Variants in DYNC2H1 observed in about 807,000 individuals in gnomAD.
DYNC2H1 encodes dynein cytoplasmic 2 heavy chain 1.
A neutral mutation model predicts 570.0 loss-of-function variants in DYNC2H1; 410 were observed. The ratio of observed to expected loss-of-function variants is 0.72; its 90% CI spans 0.66 to 0.78. The LOEUF (loss-of-function observed/expected upper bound fraction) is 0.78. DYNC2H1 is among the 30% of genes least tolerant of loss of function. The probability of loss-of-function intolerance (pLI) is 0.00; values close to 1 mark genes in which losing one functional copy is unlikely to be tolerated. For missense variants in DYNC2H1, 4,865 were observed against 5,046.4 expected, an observed-to-expected ratio of 0.96 and a Z score of 1.09; for synonymous variants, 1,688 against 1,677.6, an observed-to-expected ratio of 1.01 and a Z score of -0.15.
rs1945174516 is a variant in DYNC2H1, at chr11:103,465,663, A to G, written c.12649-2926A>G. On this transcript the variant is annotated intron_variant, in intron 87 of 88. Coordinates refer to ENST00000375735, the MANE Select transcript of DYNC2H1 (RefSeq NM_001377.3). This position sits in a 1 kb window ranked among gnomAD's most constrained non-coding sequence, Gnocchi z 4.9. ...GAAGGTCCATGCTGGCCTCATTCATATATATGGCAACTGGTGCTAGCTCAG... is the reference window on the plus strand; with the variant it reads ...GAAGGTCCATGCTGGCCTCATTCATGTATATGGCAACTGGTGCTAGCTCAG... 6.6e-6 allele frequency among the ~76,000 whole-genome samples: 1 copy of G among 152,118 alleles called. No individual in the cohort carries two copies. The highest frequency in any genetic ancestry group is 2.4e-5 in the African/African-American group (1 of 41,412).
At chr11:103,349,813 T>C (rs542852819) in intron 82 of DYNC2H1, among the ~76,000 whole-genome samples, 48 of 152,324 alleles carry the variant, frequency 3.2e-4, no homozygotes, top group Admixed American at 1.8e-3. Flanking sequence ...GGGGTGCCTG[T>C]ACATTTCACT....
Position 103,138,362 on chromosome 11 carries a change from G to A in DYNC2H1, c.2574+2414G>A, listed in dbSNP as rs548952074. Among the ~76,000 whole-genome samples the A allele has an allele frequency of 2.4e-4, 37 of 152,138 alleles. 1 individual carries two copies. The highest frequency in any genetic ancestry group is 1.2e-3 in the East Asian group (6 of 5,174). On this transcript the variant is annotated intron_variant, in intron 17 of 88. Coordinates refer to ENST00000375735, the MANE Select transcript of DYNC2H1 (RefSeq NM_001377.3). ...CCATTCAGTATGATATTGGCTGTGG[G>A]TTTGTCATAGATAGCTCTTATTATT...
chr11:103,343,798 C>T (rs1346696616), intron 82 of DYNC2H1, among the ~76,000 whole-genome samples: 2 of 152,142 alleles, frequency 1.3e-5, no homozygotes, highest in Non-Finnish European at 2.9e-5. Flanking sequence ...TTGGTAACTG[C>T]CAGTTTTGTG....
chr11:103,149,472 C>T (rs965721735), intron 20 of DYNC2H1, among the ~76,000 whole-genome samples: 2 of 152,036 alleles, frequency 1.3e-5, no homozygotes, highest in African/African-American at 4.8e-5. Flanking sequence ...TGTGCCCCCA[C>T]TTAAAATTAT....
chr11:103,265,995 T>C (rs1865488321), intron 70 of DYNC2H1, among the ~76,000 whole-genome samples: 1 of 136,106 alleles, frequency 7.3e-6, no homozygotes, highest in Non-Finnish European at 1.5e-5. Context: ...GGACTCATAT[T>C]GGGCCCCAAC....
At chr11:103,263,015 T>A (rs1468342731) in intron 70 of DYNC2H1, among the ~76,000 whole-genome samples, 12 of 37,934 alleles carry the variant, frequency 3.2e-4, no homozygotes, top group Admixed American at 1.5e-3. Flanking sequence ...ACCAAGCAAA[T>A]GGAAAGCAAA....
chr11:103,452,966 T>A (rs2135799444), intron 85 of DYNC2H1, among the ~76,000 whole-genome samples: 1 of 152,208 alleles, frequency 6.6e-6, no homozygotes, highest in South Asian at 2.1e-4. Context: ...TCTTTATCAT[T>A]CATTCCAGTT....
chr11:103,235,592 C>A, intron 61 of DYNC2H1, 80 bp from the exon 62 acceptor site: 1 of 1,354,234 alleles, frequency 7.4e-7, no homozygotes, highest in South Asian at 2.1e-5. Flanking sequence ...CCCTCACAGT[C>A]AAAACCATAA....
intron 83 of DYNC2H1, among the ~76,000 whole-genome samples, chr11:103,373,558 T>C (rs939848217): frequency 6.6e-6 from 1 of 152,220 alleles, no homozygotes; most frequent in African/African-American, 2.4e-5. Context: ...CCATACAAGT[T>C]ACTTGATATG....
At chr11:103,221,555 C>T (rs868335903) in intron 57 of DYNC2H1, among the ~76,000 whole-genome samples, 2 of 152,124 alleles carry the variant, frequency 1.3e-5, no homozygotes, top group South Asian at 2.1e-4. Context: ...TCCTACATCT[C>T]TCTAGAGTTT....
intron 70 of DYNC2H1, among the ~76,000 whole-genome samples, chr11:103,266,637 C>G (rs562042439): frequency 9.9e-5 from 15 of 152,270 alleles, no homozygotes; most frequent in Middle Eastern, 6.8e-3. Context: ...TGCATACATG[C>G]ACCGCAAAGA....
rs1015077902 is a variant in DYNC2H1 at position 103,155,242 on chromosome 11, A to C, written c.3574-89A>C. 4 of 1,289,842 alleles carry C rather than the reference A, an allele frequency of 3.1e-6. No homozygotes were observed. In the African/African-American group the frequency reaches 4.7e-5, roughly 15 times the overall value. The allele number at this position is 1,289,842 out of a possible 1,614,324, so 79.9% of individuals were successfully genotyped here. On this transcript the variant is annotated intron_variant, in intron 24 of 88. Coordinates refer to ENST00000375735, the MANE Select transcript of DYNC2H1 (RefSeq NM_001377.3). The stretch of plus-strand genomic sequence containing the variant: ...GGAATAATTAAAATTTTGGTAACTA[A>C]TAAGCATAAAAGTAAATACTAATTT...
rs1555095750 is a variant in DYNC2H1, at chr11:103,304,577, G to T, written c.11257-18G>T. 7 of 1,603,662 alleles carry T rather than the reference G, an allele frequency of 4.4e-6. No homozygotes were observed. Among genetic ancestry groups the T allele is most frequent in the South Asian group, 2.2e-5 (2 of 89,588 alleles). ...GCAGATCTGTTTTTAAATTTTGTTT[G>T]TTTTTTTGCTTTTGTAGGTTGCCAT... On this transcript the variant is annotated intron_variant, in intron 76 of 88. Coordinates refer to ENST00000375735, the MANE Select transcript of DYNC2H1 (RefSeq NM_001377.3).
intron 10 of DYNC2H1, among the ~76,000 whole-genome samples, 188 bp from the exon 11 acceptor site, chr11:103,122,637 G>A (rs904138916): frequency 3.9e-5 from 6 of 152,060 alleles, no homozygotes; most frequent in Non-Finnish European, 1.5e-5. Flanking sequence ...GCTCTTCTGC[G>A]GCTGTATAAT....
At chr11:103,358,982 T>A (rs1940500932) in intron 83 of DYNC2H1, among the ~76,000 whole-genome samples, 1 of 152,206 alleles carries the variant, frequency 6.6e-6, no homozygotes, top group Non-Finnish European at 1.5e-5. Flanking sequence ...GATCTCATCT[T>A]ACATTTTGGA....
At position 103,468,709 on chromosome 11, in the gene DYNC2H1, A is replaced by T; in HGVS notation, c.12765+4A>T. ...TTTTATGGGCTGGATTCCACAGGTA[A>T]TACATTTTTAACAAGCACAAGTTTT... On this transcript the variant is annotated splice_donor_region_variant and intron_variant, in intron 88 of 88. Transcript: ENST00000375735. 1 of 1,594,770 alleles carries T rather than the reference A, an allele frequency of 6.3e-7. No homozygotes were observed. The highest frequency in any genetic ancestry group is 8.6e-7 in the Non-Finnish European group (1 of 1,164,626).
intron 70 of DYNC2H1, among the ~76,000 whole-genome samples, chr11:103,262,281 G>C (rs1865329076): frequency 6.6e-6 from 1 of 152,176 alleles, no homozygotes; most frequent in Non-Finnish European, 1.5e-5. Context: ...CAGTCTTCAG[G>C]ATATTATCCA....
chr11:103,200,320 C>T (rs1862667893), intron 50 of DYNC2H1, among the ~76,000 whole-genome samples, 166 bp downstream of exon 50: 1 of 152,122 alleles, frequency 6.6e-6, no homozygotes, highest in South Asian at 2.1e-4. Flanking sequence ...TGAGAGACTC[C>T]ATTTTTATAA....
intron 18 of DYNC2H1, among the ~76,000 whole-genome samples, chr11:103,147,436 G>C (rs1244102760): frequency 6.6e-6 from 1 of 151,794 alleles, no homozygotes; most frequent in Non-Finnish European, 1.5e-5. Flanking sequence ...TATTTAAATA[G>C]GTGTGTTACA....
Sources: allele counts gnomAD v4.1 joint callset (sites outside exome capture counted in the v4.1 genomes callset), GRCh38; gene constraint gnomAD v4.1.1; non-coding constraint Gnocchi (gnomAD v3.1); transcripts MANE v1.5; gene names NCBI Gene and HGNC (gene_info 2026-07-23, HGNC 2026-07-21).